Variants in AK5 observed in about 807,000 individuals in gnomAD.
AK5 encodes adenylate kinase 5.
AK5 carries 27 observed loss-of-function variants against 69.5 expected under a neutral mutation model. The ratio of observed to expected loss-of-function variants is 0.39; its 90% CI spans 0.29 to 0.54. The LOEUF (loss-of-function observed/expected upper bound fraction) is 0.54, where lower values mean the gene tolerates loss of function less well. AK5 is among the 20% of genes least tolerant of loss of function. The probability of loss-of-function intolerance (pLI) is 0.71; values close to 1 mark genes in which losing one functional copy is unlikely to be tolerated. For missense variants in AK5, 531 were observed against 700.4 expected, an observed-to-expected ratio of 0.76 and a Z score of 2.73; for synonymous variants, 260 against 244.4, an observed-to-expected ratio of 1.06 and a Z score of -0.60.
chr1:77,476,830 C>G (rs551361794), intron 8 of AK5, among the ~76,000 whole-genome samples: 94 of 151,692 alleles, frequency 6.2e-4, no homozygotes, highest in Non-Finnish European at 1.2e-3. Flanking sequence ...TGAAAACACT[C>G]TAAGTACTAC....
intron 6 of AK5, among the ~76,000 whole-genome samples, chr1:77,375,933 A>G (rs934327737): frequency 5.3e-5 from 8 of 152,190 alleles, no homozygotes; most frequent in Non-Finnish European, 7.4e-5. Context: ...TCATGTTAAT[A>G]TTTATTTCCC....
chr1:77,436,228 T>C (rs1651951996), intron 8 of AK5, among the ~76,000 whole-genome samples: 1 of 152,106 alleles, frequency 6.6e-6, no homozygotes, highest in South Asian at 2.1e-4. Context: ...AACCTCTAAA[T>C]TAGACAAATT....
At chr1:77,545,701 C>T (rs999033921) in intron 13 of AK5, among the ~76,000 whole-genome samples, 1 of 152,098 alleles carries the variant, frequency 6.6e-6, no homozygotes, top group Admixed American at 6.5e-5. Flanking sequence ...TTGGAATTTC[C>T]CAGCTCCTTG....
At chr1:77,488,679 G>T (rs1655756912) in intron 10 of AK5, among the ~76,000 whole-genome samples, 1 of 152,216 alleles carries the variant, frequency 6.6e-6, no homozygotes, top group Non-Finnish European at 1.5e-5. Flanking sequence ...AGGGTAGGAA[G>T]CATCCAGCAT....
At position 77,558,913 on chromosome 1, in the gene AK5, GCA is replaced by G; in HGVS notation, c.*251_*252del. The G allele has an allele frequency of 2.1e-6, 1 of 467,736 alleles. No homozygotes were observed. The highest frequency in any genetic ancestry group is 2.7e-5 in the South Asian group (1 of 37,536). 29.0% of individuals were successfully genotyped at this position (467,736 alleles called of 1,614,324 possible). ...CTTCAGACAACTGTCTGCACTCACG[GCA>G]CACACACTTTGTATCATGCAGGCCA... On this transcript the variant is annotated 3_prime_UTR_variant, in exon 14 of 14. Transcript: ENST00000354567.
chr1:77,498,163 G>A (rs1656468352), intron 10 of AK5, among the ~76,000 whole-genome samples: 1 of 152,140 alleles, frequency 6.6e-6, no homozygotes, highest in South Asian at 2.1e-4. Flanking sequence ...AGCAGGCAAG[G>A]GAGGAAAATT....
chr1:77,369,087 C>T (rs1647072240), intron 6 of AK5, among the ~76,000 whole-genome samples: 1 of 151,980 alleles, frequency 6.6e-6, no homozygotes, highest in Non-Finnish European at 1.5e-5. Context: ...TGAATATGTA[C>T]AATTATTATT....
chr1:77,287,660 A>G (rs1197217373), intron 2 of AK5, among the ~76,000 whole-genome samples: 1 of 152,248 alleles, frequency 6.6e-6, no homozygotes, highest in Non-Finnish European at 1.5e-5. Flanking sequence ...CAATTCATGA[A>G]TTGGGCAACC....
intron 1 of AK5, chr1:77,283,293 G>T (rs374012485): frequency 9.1e-6 from 9 of 985,264 alleles, no homozygotes; most frequent in East Asian, 1.1e-4. Flanking sequence ...CTTGAAGTAG[G>T]GGGGAGGAGG....
chr1:77,491,395 C>T (rs1184709800), intron 10 of AK5, among the ~76,000 whole-genome samples: 1 of 150,848 alleles, frequency 6.6e-6, no homozygotes, highest in East Asian at 1.9e-4. Context: ...CAACCTCCGC[C>T]TTCTGTTTTC....
At chr1:77,376,143 G>A (rs182111460) in intron 6 of AK5, among the ~76,000 whole-genome samples, 198 of 152,276 alleles carry the variant, frequency 1.3e-3, no homozygotes, top group African/African-American at 4.5e-3. Context: ...CTGGCTGTGC[G>A]TGAAAACTCC....
chr1:77,445,072 T>C (rs1391261306), intron 8 of AK5, among the ~76,000 whole-genome samples: 3 of 152,198 alleles, frequency 2.0e-5, no homozygotes, highest in Non-Finnish European at 1.5e-5. Flanking sequence ...TCTTGGCTAT[T>C]GTGAAAAATG....
intron 8 of AK5, among the ~76,000 whole-genome samples, chr1:77,471,885 C>T (rs1200747352): frequency 3.3e-5 from 5 of 152,174 alleles, no homozygotes; most frequent in South Asian, 2.1e-4. Context: ...CCTTGTACAG[C>T]GGCCAGATTC....
At chr1:77,494,836 C>T (rs931127620) in intron 10 of AK5, among the ~76,000 whole-genome samples, 1 of 151,046 alleles carries the variant, frequency 6.6e-6, no homozygotes, top group African/African-American at 2.4e-5. Flanking sequence ...GGCTGGAGTG[C>T]AGTGGCTCTA....
chr1:77,469,600 A>G (rs549824976), intron 8 of AK5, among the ~76,000 whole-genome samples: 15 of 152,364 alleles, frequency 9.8e-5, no homozygotes, highest in African/African-American at 3.4e-4. Context: ...CAGGTTCTGT[A>G]TCTCTGTGGA....
At chr1:77,359,935 G>A (rs550840839) in intron 6 of AK5, among the ~76,000 whole-genome samples, 1 of 152,258 alleles carries the variant, frequency 6.6e-6, no homozygotes, top group South Asian at 2.1e-4. Flanking sequence ...GCCAAGGGAC[G>A]AACCTTGAGT....
intron 8 of AK5, among the ~76,000 whole-genome samples, chr1:77,453,005 G>A (rs1225506852): frequency 2.6e-5 from 4 of 152,144 alleles, no homozygotes; most frequent in Admixed American, 1.3e-4. Context: ...CAGACTAAAA[G>A]CTATAGAGAA....
chr1:77,492,748 A>G (rs1186547862), intron 10 of AK5, among the ~76,000 whole-genome samples: 8 of 152,240 alleles, frequency 5.3e-5, no homozygotes, highest in Admixed American at 2.0e-4. Flanking sequence ...AACTAAAAGG[A>G]AAGTCTGTGC....
At chr1:77,553,753 T>C (rs1453532675) in intron 13 of AK5, among the ~76,000 whole-genome samples, 1 of 152,172 alleles carries the variant, frequency 6.6e-6, no homozygotes, top group Non-Finnish European at 1.5e-5. Context: ...TACACCTTCT[T>C]ACCCGTCCCT....
Sources: allele counts gnomAD v4.1 joint callset (sites outside exome capture counted in the v4.1 genomes callset), GRCh38; gene constraint gnomAD v4.1.1; transcripts MANE v1.5; gene names NCBI Gene and HGNC (gene_info 2026-07-23, HGNC 2026-07-21).